The following ST6GAL2 variants were observed in gnomAD, a reference collection of about 807,000 sequenced individuals.
The protein encoded by ST6GAL2 is beta-galactoside alpha-2,6-sialyltransferase 2.
In ST6GAL2, 24 loss-of-function variants were observed where a neutral mutation model predicts 37.5. That is an observed-to-expected ratio of 0.64 (90% confidence interval 0.46 to 0.90). ST6GAL2 has a LOEUF of 0.90. Ranked by LOEUF, ST6GAL2 falls within the 40% of genes least tolerant of loss-of-function variation. The pLI, the probability that ST6GAL2 is intolerant of heterozygous loss-of-function variation, is 0.00. For missense variants in ST6GAL2, 715 were observed against 712.7 expected, an observed-to-expected ratio of 1.00 and a Z score of -0.04; for synonymous variants, 306 against 295.1, an observed-to-expected ratio of 1.04 and a Z score of -0.38.
At chr2:106,871,925 C>CAT (rs1173049648) in intron 1 of ST6GAL2, among the ~76,000 whole-genome samples, 1 of 152,236 alleles carries the variant, frequency 6.6e-6, no homozygotes, top group African/African-American at 2.4e-5. Flanking sequence ...ACCAGTAACA[C>CAT]ATTTATTACC....
rs190262649 is a variant in ST6GAL2 at position 106,855,919 on chromosome 2, C to T, written c.-57-11885G>A. ...AAGCTTTCTTCTGGTCTTGACATGA[C>T]CAGTCAAGACAAGAATTACTGAATG... On this transcript the variant is annotated intron_variant, in intron 1 of 5. Coordinates refer to ENST00000409382, the MANE Select transcript of ST6GAL2 (RefSeq NM_001142351.2). Among the ~76,000 whole-genome samples, 32 of 152,198 alleles carry T rather than the reference C, an allele frequency of 2.1e-4. No individual in the cohort carries two copies. In the East Asian group the frequency reaches 3.1e-3, roughly 15 times the overall value.
intron 2 of ST6GAL2, among the ~76,000 whole-genome samples, chr2:106,838,058 C>T (rs117734902): frequency 1.1e-4 from 16 of 152,206 alleles, no homozygotes; most frequent in South Asian, 2.1e-4. Flanking sequence ...CACACAGACA[C>T]GTTCTGTAAA....
chr2:106,855,973 G>A (rs139526300), intron 1 of ST6GAL2, among the ~76,000 whole-genome samples: 36 of 152,286 alleles, frequency 2.4e-4, no homozygotes, highest in African/African-American at 8.7e-4. Context: ...GCTTCACAGA[G>A]TGCTGAGCTT....
At chr2:106,875,787 C>T (rs1678477652) in intron 1 of ST6GAL2, among the ~76,000 whole-genome samples, 1 of 152,224 alleles carries the variant, frequency 6.6e-6, no homozygotes, top group South Asian at 2.1e-4. Flanking sequence ...GCTTCTAAAA[C>T]TGACCATATA....
intron 1 of ST6GAL2, among the ~76,000 whole-genome samples, chr2:106,885,018 C>A (rs1256604713): frequency 6.7e-6 from 1 of 148,246 alleles, no homozygotes; most frequent in Admixed American, 6.8e-5. Flanking sequence ...TATTGGAATT[C>A]TTCCTTGGTC....
rs185572438 is a variant in ST6GAL2, at chr2:106,817,614, T to C, written c.1319-10665A>G. On this transcript the variant is annotated intron_variant, in intron 5 of 5. Coordinates refer to ENST00000409382, the MANE Select transcript of ST6GAL2 (RefSeq NM_001142351.2). The stretch of plus-strand genomic sequence containing the variant: ...GGGCCTTGGGTGAGACTCAGAGCCA[T>C]GTTGGCTTCAGGTGACACTCAGCAT... 1.2e-3 allele frequency among the ~76,000 whole-genome samples: 182 copies of C among 152,056 alleles called. 2 individuals are homozygous for C. Among genetic ancestry groups the C allele is most frequent in the African/African-American group, 4.3e-3 (177 of 41,504 alleles).
At chr2:106,860,515 T>G (rs560749633) in intron 1 of ST6GAL2, among the ~76,000 whole-genome samples, 6 of 152,232 alleles carry the variant, frequency 3.9e-5, no homozygotes, top group Non-Finnish European at 5.9e-5. Context: ...ACATCTCACA[T>G]GGAGGAAACA....
At chr2:106,816,076 A>G (rs1234628539) in intron 5 of ST6GAL2, among the ~76,000 whole-genome samples, 1 of 152,234 alleles carries the variant, frequency 6.6e-6, no homozygotes, top group Non-Finnish European at 1.5e-5. Flanking sequence ...GTACCAGAAA[A>G]GGAGGTGGAG....
chr2:106,835,606 T>C (rs1410038520), intron 2 of ST6GAL2, among the ~76,000 whole-genome samples: 1 of 152,212 alleles, frequency 6.6e-6, no homozygotes. Context: ...AACTATGACC[T>C]TCTGGCCAAA....
At chr2:106,812,682 T>C (rs1365556200) in intron 5 of ST6GAL2, among the ~76,000 whole-genome samples, 1 of 152,198 alleles carries the variant, frequency 6.6e-6, no homozygotes, top group Non-Finnish European at 1.5e-5. Context: ...GGATACCATA[T>C]ATGCACAAAT....
At chr2:106,878,612 A>G (rs1367479367) in intron 1 of ST6GAL2, among the ~76,000 whole-genome samples, 3 of 152,232 alleles carry the variant, frequency 2.0e-5, no homozygotes, top group Admixed American at 2.0e-4. Context: ...TAGAAATAAA[A>G]AAACAAAACC....
chr2:106,830,943 G>A (rs987041610), intron 4 of ST6GAL2, among the ~76,000 whole-genome samples: 1 of 152,176 alleles, frequency 6.6e-6, no homozygotes, highest in Admixed American at 6.5e-5. Context: ...CACCATGTAT[G>A]TTATTGTATG....
At position 106,806,620 on chromosome 2, in the gene ST6GAL2, T is replaced by A; in HGVS notation, c.*58A>T. ...TAAAATCTATCTTCAAGTATTCTTT[T>A]GTGACTTTGAGTACAACAGTAGTAC... On this transcript the variant is annotated 3_prime_UTR_variant, in exon 6 of 6. Coordinates refer to ENST00000409382, the MANE Select transcript of ST6GAL2 (RefSeq NM_001142351.2). 6.4e-7 allele frequency: 1 copy of A among 1,550,392 alleles called. No homozygotes were observed. Among genetic ancestry groups the A allele is most frequent in the Non-Finnish European group, 8.8e-7 (1 of 1,139,036 alleles).
At chr2:106,816,906 TG>T (rs1342253896) in intron 5 of ST6GAL2, among the ~76,000 whole-genome samples, 2 of 152,018 alleles carry the variant, frequency 1.3e-5, no homozygotes, top group Admixed American at 1.3e-4. Context: ...TGTGCACTTG[TG>T]GGGAGGGAAA....
chr2:106,827,111 T>G (rs1401668163), intron 5 of ST6GAL2, among the ~76,000 whole-genome samples: 2 of 152,154 alleles, frequency 1.3e-5, no homozygotes, highest in Non-Finnish European at 2.9e-5. Flanking sequence ...TTGGAAACAA[T>G]GAGGTGCTGA....
rs183817157 is a variant in ST6GAL2, at chr2:106,836,859, G to T, written c.944-2713C>A. Reference sequence around the variant, plus strand: ...CTACTCGGGAGGCTAAGGTAGAATTGCTTGAACCCAGGGGGCAGAGGTTGC... The same window carrying T: ...CTACTCGGGAGGCTAAGGTAGAATTTCTTGAACCCAGGGGGCAGAGGTTGC... On this transcript the variant is annotated intron_variant, in intron 2 of 5. Coordinates refer to ENST00000409382, the MANE Select transcript of ST6GAL2 (RefSeq NM_001142351.2). Among the ~76,000 whole-genome samples the T allele has an allele frequency of 8.1e-3, 1,162 of 143,674 alleles. 4 individuals carry two copies. The highest frequency in any genetic ancestry group is 0.012 in the Non-Finnish European group (823 of 67,042). The allele number at this position is 143,674 out of a possible 152,430, so 94.3% of individuals were successfully genotyped here.
Position 106,826,512 on chromosome 2 carries a change from C to G in ST6GAL2, c.1318+3554G>C, listed in dbSNP as rs573475277. On this transcript the variant is annotated intron_variant, in intron 5 of 5. Coordinates refer to ENST00000409382, the MANE Select transcript of ST6GAL2 (RefSeq NM_001142351.2). ...CTGAGATCGTGCCACTGCACTCCAG[C>G]CTGAGTAACACAGCGAGACTCCGTC... Among the ~76,000 whole-genome samples, 7 of 150,862 alleles carry G rather than the reference C, an allele frequency of 4.6e-5. No homozygotes were observed. In the South Asian group the frequency reaches 1.5e-3, roughly 32 times the overall value.
intron 1 of ST6GAL2, among the ~76,000 whole-genome samples, chr2:106,871,938 T>C (rs1375704016): frequency 6.6e-6 from 1 of 152,278 alleles, no homozygotes; most frequent in Non-Finnish European, 1.5e-5. Context: ...TTATTACCAT[T>C]ACTTTATTGT....
intron 1 of ST6GAL2, among the ~76,000 whole-genome samples, chr2:106,879,508 C>A (rs1238766604): frequency 6.6e-6 from 1 of 151,944 alleles, no homozygotes; most frequent in Non-Finnish European, 1.5e-5. Flanking sequence ...TTAATTAGTT[C>A]AACTTTCCCA....
Sources: allele counts gnomAD v4.1 joint callset (sites outside exome capture counted in the v4.1 genomes callset), GRCh38; gene constraint gnomAD v4.1.1; transcripts MANE v1.5; gene names NCBI Gene and HGNC (gene_info 2026-07-23, HGNC 2026-07-21).